The following RNLS variants were observed in gnomAD, a reference collection of about 807,000 sequenced individuals.
The protein encoded by RNLS is renalase, FAD dependent amine oxidase.
Under a neutral mutation model 39.8 loss-of-function variants are expected in RNLS, and 39 were observed. The observed-to-expected ratio is 0.98, with a 90% CI of 0.76 to 1.28. The LOEUF (loss-of-function observed/expected upper bound fraction) is 1.28. Ranked by LOEUF, RNLS falls within the 50% of genes most tolerant of loss-of-function variation. The probability of loss-of-function intolerance (pLI) is 0.00; values close to 1 mark genes in which losing one functional copy is unlikely to be tolerated. For missense variants in RNLS, 410 were observed against 413.3 expected (o/e 0.99, Z 0.07); for synonymous variants, 147 against 150.7 (o/e 0.98, Z 0.18).
At chr10:88,192,430 T>C in the RNLS span, among the ~76,000 whole-genome samples, 1 of 152,162 alleles carries the variant, frequency 6.6e-6, no homozygotes, top group Non-Finnish European at 1.5e-5. Context: ...ATAAAAGAAG[T>C]TTATTTGGAA....
intron 4 of RNLS, among the ~76,000 whole-genome samples, chr10:88,560,255 T>C (rs1849095437): frequency 6.6e-6 from 1 of 152,170 alleles, no homozygotes; most frequent in South Asian, 2.1e-4. Flanking sequence ...AATTCTTGCC[T>C]TCCAGGCATT....
chr10:88,282,953 A>C (rs1843077566), downstream of RNLS, among the ~76,000 whole-genome samples: 1 of 152,192 alleles, frequency 6.6e-6, no homozygotes, highest in African/African-American at 2.4e-5. Flanking sequence ...CTTTCAAAAC[A>C]GAACAGCTTT....
intron 6 of RNLS, among the ~76,000 whole-genome samples, chr10:88,313,355 CCT>C (rs1163339233): frequency 1.3e-5 from 2 of 152,118 alleles, no homozygotes; most frequent in Non-Finnish European, 2.9e-5. Context: ...AGATTATTTC[CCT>C]GTTTTCTTTT....
chr10:88,519,724 GATATATATCACATATATA>G, intron 4 of RNLS, among the ~76,000 whole-genome samples: 1 of 150,076 alleles, frequency 6.7e-6, no homozygotes, highest in Non-Finnish European at 1.5e-5. Flanking sequence ...ACATATATAT[GATATATATCACATATATA>G]TGATATATAT....
chr10:88,399,476 T>G (rs1304178027), intron 4 of RNLS, among the ~76,000 whole-genome samples: 1 of 152,062 alleles, frequency 6.6e-6, no homozygotes, highest in Non-Finnish European at 1.5e-5. Context: ...AAGTACTCAT[T>G]CATGCTATAA....
At chr10:88,522,157 T>C (rs896993071) in intron 4 of RNLS, among the ~76,000 whole-genome samples, 10 of 152,070 alleles carry the variant, frequency 6.6e-5, no homozygotes, top group Non-Finnish European at 1.3e-4. Context: ...TGAAATAAGG[T>C]TGTAGTGTGA....
the RNLS span, among the ~76,000 whole-genome samples, chr10:88,173,867 G>A: frequency 1.3e-5 from 2 of 152,078 alleles, no homozygotes; most frequent in African/African-American, 4.8e-5. Flanking sequence ...TTCCTTAGTG[G>A]TGATTTGTGA....
intron 4 of RNLS, among the ~76,000 whole-genome samples, chr10:88,480,300 AC>A (rs1844079340): frequency 6.6e-6 from 1 of 152,144 alleles, no homozygotes; most frequent in Admixed American, 6.5e-5. Flanking sequence ...AAAGTTGAAA[AC>A]CTCTGATAAT....
chr10:88,227,530 G>C, the RNLS span, among the ~76,000 whole-genome samples: 1 of 152,176 alleles, frequency 6.6e-6, no homozygotes, highest in African/African-American at 2.4e-5. Flanking sequence ...TTCACCACGA[G>C]TGCACTCACA....
chr10:88,224,000 A>G, the RNLS span, among the ~76,000 whole-genome samples: 1 of 151,600 alleles, frequency 6.6e-6, no homozygotes, highest in Non-Finnish European at 1.5e-5. Flanking sequence ...TTGAGGCTAA[A>G]TTAGCAATAT....
chr10:88,482,062 T>C (rs879020000), intron 4 of RNLS, among the ~76,000 whole-genome samples: 1 of 152,294 alleles, frequency 6.6e-6, no homozygotes, highest in Admixed American at 6.5e-5. Context: ...GTTTTATCTC[T>C]TGCTGCTTTC....
At chr10:88,379,093 A>ATTAT (rs1851250437) in intron 4 of RNLS, among the ~76,000 whole-genome samples, 1 of 152,224 alleles carries the variant, frequency 6.6e-6, no homozygotes, top group Non-Finnish European at 1.5e-5. Context: ...TTGCTCTGGC[A>ATTAT]TTATGATGGC....
chr10:88,444,677 C>A (rs1191763216), intron 4 of RNLS, among the ~76,000 whole-genome samples: 1 of 152,120 alleles, frequency 6.6e-6, no homozygotes, highest in African/African-American at 2.4e-5. Flanking sequence ...GATGAATGCA[C>A]AAGCTTCAGT....
chr10:88,478,456 T>G (rs907315536), intron 4 of RNLS, among the ~76,000 whole-genome samples: 1 of 152,144 alleles, frequency 6.6e-6, no homozygotes, highest in African/African-American at 2.4e-5. Context: ...TGACACATGA[T>G]CCCTCACTAC....
intron 4 of RNLS, among the ~76,000 whole-genome samples, chr10:88,443,833 C>A (rs185322678): frequency 5.9e-5 from 9 of 152,378 alleles, no homozygotes; most frequent in African/African-American, 2.2e-4. Flanking sequence ...GAAGCTCCAA[C>A]TGGGTGGAGC....
chr10:88,180,588 G>A, the RNLS span, among the ~76,000 whole-genome samples: 13 of 152,144 alleles, frequency 8.5e-5, no homozygotes, highest in Non-Finnish European at 1.6e-4. Flanking sequence ...GTACGTGTGC[G>A]TGTGTTGTAG....
intron 4 of RNLS, among the ~76,000 whole-genome samples, chr10:88,377,743 T>C (rs1851130932): frequency 6.6e-6 from 1 of 152,202 alleles, no homozygotes; most frequent in Admixed American, 6.5e-5. Flanking sequence ...GCCTAGGACA[T>C]TGCTGTAATC....
chr10:88,472,226 T>C lies in RNLS; in HGVS notation c.526+100677A>G, dbSNP rs556572730. 2.0e-5 allele frequency among the ~76,000 whole-genome samples: 3 copies of C among 152,148 alleles called. No homozygotes were observed. In the East Asian group the frequency reaches 5.8e-4, roughly 29 times the overall value. On this transcript the variant is annotated intron_variant, in intron 4 of 6. Coordinates refer to ENST00000331772, the MANE Select transcript of RNLS (RefSeq NM_001031709.3). ...TAAGCAAAGCAGTGAGAAGGAGGTGTATAAAGCACAATTAGGGACAAGAGT... is the reference window on the plus strand; with the variant it reads ...TAAGCAAAGCAGTGAGAAGGAGGTGCATAAAGCACAATTAGGGACAAGAGT...
At chr10:88,179,180 G>A in the RNLS span, among the ~76,000 whole-genome samples, 1 of 152,342 alleles carries the variant, frequency 6.6e-6, no homozygotes, top group South Asian at 2.1e-4. Context: ...GGGGGAATGG[G>A]AGTACCAGAT....
Sources: gnomAD v4.1 joint callset for allele counts (sites outside exome capture counted in the v4.1 genomes callset) on GRCh38, gnomAD v4.1.1 for gene constraint, MANE v1.5 for transcripts, NCBI Gene and HGNC (gene_info 2026-07-23, HGNC 2026-07-21) for gene names.